Variants in TRIM14 observed in about 807,000 individuals in gnomAD.
TRIM14 encodes the protein tripartite motif containing 14.
A neutral mutation model predicts 44.5 loss-of-function variants in TRIM14; 28 were observed. That is an observed-to-expected ratio of 0.63 (90% confidence interval 0.47 to 0.86). TRIM14 has a LOEUF of 0.86. Among genes scored for constraint, TRIM14 ranks in the 40% least tolerant of loss-of-function variants. The probability of loss-of-function intolerance (pLI) is 0.00; values close to 1 mark genes in which losing one functional copy is unlikely to be tolerated. For missense variants in TRIM14, 607 were observed against 611.1 expected (o/e 0.99, Z 0.07); for synonymous variants, 299 against 269.2 (o/e 1.11, Z -1.08).
Position 98,119,023 on chromosome 9 carries a change from G to T in TRIM14, c.166C>A (p.His56Asn). The change falls in exon 1 of 6, where the codon CAC becomes AAC. Residue 56 changes from histidine (H) to asparagine (N), a missense_variant. Around this residue, in one of 3 missense-constraint regions of TRIM14, gnomAD observed 246 missense variants for 270.8 expected, o/e 0.91. Transcript: ENST00000341469. ...LCPVLGAHRG[H>N]PVGLALEAAV... is the part of the protein sequence containing the mutation. The stretch of plus-strand genomic sequence containing the variant: ...GCCTCCAGCGCCAGGCCCACAGGGT[G>T]GCCACGGTGCGCGCCCAGCACCGGG... 1 of 1,570,464 alleles carries T rather than the reference G, an allele frequency of 6.4e-7. No individual in the cohort carries two copies. The highest frequency in any genetic ancestry group is 8.6e-7 in the Non-Finnish European group (1 of 1,167,540).
At chr9:98,036,500 G>GAAAAAAAA in the TRIM14 span, among the ~76,000 whole-genome samples, 187 of 102,520 alleles carry the variant, frequency 1.8e-3, 1 homozygote, top group African/African-American at 6.4e-3. Context: ...GACTCCATCT[G>GAAAAAAAA]AAAAAAAAAA....
the TRIM14 span, among the ~76,000 whole-genome samples, chr9:98,056,408 C>A: frequency 6.7e-6 from 1 of 148,508 alleles, no homozygotes; most frequent in Non-Finnish European, 1.5e-5. Context: ...AGGGCGCGCT[C>A]TCCCCATGCT....
In TRIM14 at chr9:98,087,963, C is replaced by G; in HGVS notation, c.836G>C (p.Arg279Pro). Reference sequence around the variant, plus strand: ...CAGGCGATCGGCGGACAGGCGCAGGCGCGCGTGCATCGTGTCAGGATCCAG... The same window carrying G: ...CAGGCGATCGGCGGACAGGCGCAGGGGCGCGTGCATCGTGTCAGGATCCAG... The part of the protein sequence containing the change: ...PTLDPDTMHA[R>P]LRLSADRLTV... Residue 279 changes from arginine (R) to proline (P), a missense_variant, in exon 6 of 6, where the codon CGC (arginine) becomes CCC (proline). Coordinates refer to ENST00000341469, the MANE Select transcript of TRIM14 (RefSeq NM_014788.4). 1 of 1,563,552 alleles carries G rather than the reference C, an allele frequency of 6.4e-7. No individual in the cohort carries two copies. Among genetic ancestry groups the G allele is most frequent in the Non-Finnish European group, 8.6e-7 (1 of 1,165,630 alleles).
At chr9:98,051,318 G>T in the TRIM14 span, among the ~76,000 whole-genome samples, 1 of 152,112 alleles carries the variant, frequency 6.6e-6, no homozygotes, top group African/African-American at 2.4e-5. Context: ...GAGTCTACTC[G>T]CTTAACTAAG....
intron 3 of TRIM14, among the ~76,000 whole-genome samples, chr9:98,098,486 C>G (rs372163687): frequency 6.6e-6 from 1 of 151,916 alleles, no homozygotes; most frequent in Non-Finnish European, 1.5e-5. Flanking sequence ...CCGAGGGGGG[C>G]GGATCACGAG....
chr9:98,057,092 C>G, the TRIM14 span: 28 of 1,169,374 alleles, frequency 2.4e-5, no homozygotes, highest in Middle Eastern at 8.7e-4. Context: ...CTTCGGATCC[C>G]TCTTCCTCAC....
the TRIM14 span, chr9:98,061,100 CTT>C: frequency 3.6e-6 from 4 of 1,101,228 alleles, no homozygotes; most frequent in Admixed American, 8.0e-5. Flanking sequence ...CTTGCTCATC[CTT>C]TCTGTTCCCA....
At chr9:98,053,495 G>C in the TRIM14 span, among the ~76,000 whole-genome samples, 1 of 152,122 alleles carries the variant, frequency 6.6e-6, no homozygotes, top group Non-Finnish European at 1.5e-5. Context: ...GTTCTATCCT[G>C]TGATGCCCCC....
chr9:98,091,658 A>T (rs960888404), intron 5 of TRIM14, among the ~76,000 whole-genome samples: 1 of 152,210 alleles, frequency 6.6e-6, no homozygotes, highest in East Asian at 1.9e-4. Flanking sequence ...GACAAATAAT[A>T]ATAGCAGTTA....
chr9:98,043,943 TAA>T, the TRIM14 span, among the ~76,000 whole-genome samples: 23 of 151,838 alleles, frequency 1.5e-4, no homozygotes, highest in Non-Finnish European at 2.8e-4. Context: ...GCCATAACAC[TAA>T]GAGTGCCCCA....
At chr9:98,066,673 CAG>C (rs1464542544), downstream of TRIM14, among the ~76,000 whole-genome samples, 4 of 148,780 alleles carry the variant, frequency 2.7e-5, no homozygotes, top group African/African-American at 5.0e-5. Flanking sequence ...TTTTTTGAGA[CAG>C]AGTCTCGCTC....
At chr9:98,050,397 T>A in the TRIM14 span, among the ~76,000 whole-genome samples, 1 of 152,184 alleles carries the variant, frequency 6.6e-6, no homozygotes, top group Non-Finnish European at 1.5e-5. Flanking sequence ...AGTAGAACAG[T>A]GAGTTTTGCA....
At chr9:98,108,070 C>T (rs756385466) in intron 2 of TRIM14, among the ~76,000 whole-genome samples, 28 of 149,976 alleles carry the variant, frequency 1.9e-4, no homozygotes, top group Non-Finnish European at 3.8e-4. Flanking sequence ...AAACTATACA[C>T]ACATACCATC....
At position 98,088,654 on chromosome 9, in the gene TRIM14, A is replaced by C. The variant is rs1348836030; in HGVS notation, c.794-649T>G. Among the ~76,000 whole-genome samples, 6 of 152,224 alleles carry C rather than the reference A, an allele frequency of 3.9e-5. No homozygotes were observed. In the East Asian group the frequency reaches 9.6e-4, roughly 24 times the overall value. ...TCCTTTCACAAGAGCATTTTAGTGG[A>C]GATTCTAAAATTTTGATGTTTGGAC... On this transcript the variant is annotated intron_variant, in intron 5 of 5. Transcript: ENST00000341469.
intron 6 of TRIM14, among the ~76,000 whole-genome samples, chr9:98,077,471 A>G (rs1451954812): frequency 1.3e-5 from 2 of 151,850 alleles, no homozygotes; most frequent in East Asian, 3.9e-4. Context: ...CAGCCTCCCA[A>G]AGTGTTGGGA....
chr9:98,117,589 C>A (rs913195705), intron 1 of TRIM14, among the ~76,000 whole-genome samples: 4 of 152,184 alleles, frequency 2.6e-5, no homozygotes, highest in Non-Finnish European at 4.4e-5. Flanking sequence ...GCCACTGTGC[C>A]CGACTGCTTA....
the TRIM14 span, among the ~76,000 whole-genome samples, chr9:98,038,506 G>A: frequency 2.0e-5 from 3 of 152,148 alleles, no homozygotes; most frequent in Non-Finnish European, 4.4e-5. Context: ...ACTATAGTAA[G>A]ACAAAGTACT....
At chr9:98,089,320 G>A (rs909600458) in intron 5 of TRIM14, among the ~76,000 whole-genome samples, 2 of 152,020 alleles carry the variant, frequency 1.3e-5, no homozygotes, top group Non-Finnish European at 2.9e-5. Context: ...AGGATTACAG[G>A]CACCTGCCAC....
At chr9:98,071,699 A>C (rs373912514) in intron 6 of TRIM14, among the ~76,000 whole-genome samples, 305 of 152,006 alleles carry the variant, frequency 2.0e-3, no homozygotes, top group African/African-American at 6.9e-3. Context: ...CCACCATTTC[A>C]TTTTCCGTGT....
Sources: allele counts gnomAD v4.1 joint callset (sites outside exome capture counted in the v4.1 genomes callset), GRCh38; gene constraint gnomAD v4.1.1; regional missense constraint gnomAD v4.1.1; transcripts MANE v1.5; gene names NCBI Gene and HGNC (gene_info 2026-07-23, HGNC 2026-07-21).